CHD1L: variants seen among roughly 807,000 people sequenced by gnomAD.
CHD1L encodes chromodomain helicase DNA binding protein 1 like.
In CHD1L, 118 loss-of-function variants were observed where a neutral mutation model predicts 115.9. The ratio of observed to expected loss-of-function variants is 1.02; its 90% CI spans 0.88 to 1.19. The LOEUF (loss-of-function observed/expected upper bound fraction) is 1.19, where lower values mean the gene tolerates loss of function less well. Ranked by LOEUF, CHD1L falls within the 50% of genes most tolerant of loss-of-function variation. The pLI is 0.00. For synonymous variants in CHD1L, 411 were observed against 387.1 expected, an observed-to-expected ratio of 1.06 and a Z score of -0.72; for missense variants, 1,179 against 1,065.3, an observed-to-expected ratio of 1.11 and a Z score of -1.49.
At chr1:147,272,540 T>C (rs782435155) in intron 12 of CHD1L, 2 of 293,758 alleles carry the variant, frequency 6.8e-6, no homozygotes, top group Non-Finnish European at 1.3e-5. Context: ...GACCTGGGAA[T>C]GTCCTGAAAG....
chr1:147,293,945 A>AT (rs1369723189), intron 21 of CHD1L, among the ~76,000 whole-genome samples: 1 of 151,990 alleles, frequency 6.6e-6, no homozygotes, highest in Non-Finnish European at 1.5e-5. Flanking sequence ...TCCCCCGGGT[A>AT]TTTTTATCGT....
rs1571876795 is a variant in CHD1L, at chr1:147,267,456, T to C, written c.926T>C (p.Val309Ala). 1.2e-6 allele frequency: 2 copies of C among 1,613,114 alleles called. No individual in the cohort carries two copies. The highest frequency in any genetic ancestry group is 4.5e-5 in the East Asian group (2 of 44,818). ...DAFENETAKKVKLQNILSQLR... is the reference protein window; with the variant it reads ...DAFENETAKKAKLQNILSQLR... Reference sequence around the variant, plus strand: ...TTTGAAAATGAGACGGCAAAGAAAGTTAAACTACAGAACATTTTGTCCCAG... The same window carrying C: ...TTTGAAAATGAGACGGCAAAGAAAGCTAAACTACAGAACATTTTGTCCCAG... The change falls in exon 9 of 23, where the codon GTT becomes GCT. Residue 309 changes from valine to alanine, a missense_variant. Coordinates refer to ENST00000369258, the MANE Select transcript of CHD1L (RefSeq NM_004284.6).
the CHD1L span, chr1:147,204,608 C>T: frequency 2.8e-5 from 45 of 1,592,252 alleles, no homozygotes; most frequent in East Asian, 7.1e-4. Context: ...AGGAGAGCTC[C>T]GGCAAATACC....
At chr1:147,241,879 T>A (rs1354226300), upstream of CHD1L, among the ~76,000 whole-genome samples, 1 of 152,188 alleles carries the variant, frequency 6.6e-6, no homozygotes, top group Non-Finnish European at 1.5e-5. Context: ...CCATTACAAG[T>A]CCCAATATCT....
chr1:147,208,790 G>T, the CHD1L span: 1 of 1,398,602 alleles, frequency 7.2e-7, no homozygotes, highest in Non-Finnish European at 1.0e-6. Flanking sequence ...ATTAGCCAGT[G>T]TGAAGAGTCC....
chr1:147,288,322 C>CAA (rs1294935544), intron 19 of CHD1L, among the ~76,000 whole-genome samples: 3 of 87,892 alleles, frequency 3.4e-5, no homozygotes, highest in African/African-American at 9.6e-5. Flanking sequence ...GACCCTGTTT[C>CAA]AATAAAAAAA....
chr1:147,235,538 T>C, the CHD1L span, among the ~76,000 whole-genome samples: 13,461 of 152,184 alleles, frequency 0.088, 674 homozygotes, highest in East Asian at 0.16. Flanking sequence ...TTTGAGGGGA[T>C]AGAGGTGGGG....
chr1:147,275,756 G>A (rs12023638), intron 13 of CHD1L, among the ~76,000 whole-genome samples: 3 of 147,216 alleles, frequency 2.0e-5, no homozygotes, highest in African/African-American at 7.6e-5. Context: ...GTTAAAAAAT[G>A]GGGTTATGGG....
chr1:147,284,431 G>T lies in CHD1L; in HGVS notation c.1786G>T (p.Val596Leu). The change falls in exon 16 of 23, where the codon GTA becomes TTA. Residue 596 changes from valine (V) to leucine (L), a missense_variant. Coordinates refer to ENST00000369258, the MANE Select transcript of CHD1L (RefSeq NM_004284.6). ...AGACAGAAAATCATTTGAACAACTG[G>T]TAAACCTTCAGAAAACCCTTTTGGA... is the stretch of plus-strand genomic sequence containing the variant. ...KEDRKSFEQL[V>L]NLQKTLLEKA... The T allele has an allele frequency of 6.2e-7, 1 of 1,612,502 alleles. No homozygotes were observed.
chr1:147,173,290 ACTCCGTCCCCCTC>A, the CHD1L span: 1 of 153,694 alleles, frequency 6.5e-6, no homozygotes, highest in East Asian at 1.9e-4. Flanking sequence ...ACTCAGCGAT[ACTCCGTCCCCCTC>A]TCCCCGCCCC....
intron 6 of CHD1L, among the ~76,000 whole-genome samples, chr1:147,262,195 CA>C (rs11346769): frequency 8.0e-4 from 101 of 126,046 alleles, no homozygotes; most frequent in African/African-American, 2.2e-3. Context: ...GACTCTGTCT[CA>C]AAAAAAAAAA....
chr1:147,284,543 C>T (rs1179824599), intron 16 of CHD1L, 44 bp downstream of exon 16: 3 of 1,429,996 alleles, frequency 2.1e-6, no homozygotes, highest in Non-Finnish European at 2.7e-6. Context: ...TCCAAACTCT[C>T]ATTCTAAAAC....
At chr1:147,231,878 C>T in the CHD1L span, among the ~76,000 whole-genome samples, 20,836 of 152,170 alleles carry the variant, frequency 0.14, 1,879 homozygotes, top group East Asian at 0.42. Flanking sequence ...CCTGTGCTTC[C>T]CGGGTGAGGC....
At chr1:147,223,043 T>G in the CHD1L span, among the ~76,000 whole-genome samples, 1 of 152,304 alleles carries the variant, frequency 6.6e-6, no homozygotes, top group South Asian at 2.1e-4. Context: ...CTCCTGACAA[T>G]AACTCTATAA....
chr1:147,243,561 C>G (rs1271473911), intron 1 of CHD1L, among the ~76,000 whole-genome samples: 1 of 152,158 alleles, frequency 6.6e-6, no homozygotes, highest in Admixed American at 6.5e-5. Flanking sequence ...ACCGTACTTC[C>G]TGCAGCTCCG....
chr1:147,193,881 A>C, the CHD1L span, among the ~76,000 whole-genome samples: 1 of 152,074 alleles, frequency 6.6e-6, no homozygotes, highest in Non-Finnish European at 1.5e-5. Context: ...ACAGTTTGTT[A>C]TAATTTCTGT....
the CHD1L span, among the ~76,000 whole-genome samples, chr1:147,206,784 G>A: frequency 6.6e-6 from 1 of 152,082 alleles, no homozygotes; most frequent in South Asian, 2.1e-4. Context: ...GAGTGGGGAA[G>A]CATAGCATTA....
intron 14 of CHD1L, among the ~76,000 whole-genome samples, chr1:147,278,222 G>GTTTTTTTTTTTTTTTTTTTTTTTTTT (rs71083825): frequency 1.1e-5 from 1 of 91,130 alleles, no homozygotes; most frequent in Non-Finnish European, 1.9e-5. Flanking sequence ...TGTTTTTTGG[G>GTTTTTTTTTTTTTTTTTTTTTTTTTT]TTTTTTTTTT....
At chr1:147,190,927 T>C in the CHD1L span, among the ~76,000 whole-genome samples, 2 of 151,926 alleles carry the variant, frequency 1.3e-5, no homozygotes, top group Admixed American at 1.3e-4. Context: ...AGTGAGAACA[T>C]GCGGTGTTTG....
Sources: gnomAD v4.1 joint callset for allele counts (sites outside exome capture counted in the v4.1 genomes callset) on GRCh38, gnomAD v4.1.1 for gene constraint, MANE v1.5 for transcripts, NCBI Gene and HGNC (gene_info 2026-07-23, HGNC 2026-07-21) for gene names.